TRPC7: variants seen among roughly 807,000 people sequenced by gnomAD.
The protein encoded by TRPC7 is transient receptor potential cation channel subfamily C member 7.
Under a neutral mutation model 90.1 loss-of-function variants are expected in TRPC7, and 42 were observed. That is an observed-to-expected ratio of 0.47 (90% CI 0.36 to 0.60). The LOEUF (loss-of-function observed/expected upper bound fraction) is 0.60, where lower values mean the gene tolerates loss of function less well. TRPC7 is among the 20% of genes least tolerant of loss of function. The pLI, the probability that TRPC7 is intolerant of heterozygous loss-of-function variation, is 0.00. For missense variants in TRPC7, 955 were observed against 1,112.3 expected (o/e 0.86, Z 2.01); for synonymous variants, 451 against 436.3 (o/e 1.03, Z -0.42).
intron 2 of TRPC7, among the ~76,000 whole-genome samples, chr5:136,329,514 G>A (rs1273381476): frequency 6.6e-6 from 1 of 152,082 alleles, no homozygotes. Flanking sequence ...ATTGAGACCT[G>A]AGGATGAACA....
intron 3 of TRPC7, among the ~76,000 whole-genome samples, chr5:136,294,405 A>G (rs1174898306): frequency 6.6e-6 from 1 of 152,230 alleles, no homozygotes; most frequent in Non-Finnish European, 1.5e-5. Context: ...CAAATGGTTA[A>G]TATCCAGAAT....
At chr5:136,308,780 T>G (rs1416979631) in intron 3 of TRPC7, among the ~76,000 whole-genome samples, 1 of 152,202 alleles carries the variant, frequency 6.6e-6, no homozygotes, top group Non-Finnish European at 1.5e-5. Context: ...CAGTGTCCAC[T>G]GTGTCTGTGA....
intron 2 of TRPC7, among the ~76,000 whole-genome samples, chr5:136,341,796 T>C (rs1759855181): frequency 6.6e-6 from 1 of 152,226 alleles, no homozygotes; most frequent in South Asian, 2.1e-4. Flanking sequence ...ACAATGAATT[T>C]TTCAACCAGT....
At position 136,247,394 on chromosome 5, in the gene TRPC7, A is replaced by C; in HGVS notation, c.1844+77T>G. ...GCAAGGAAACAGCAGTCTCTGCAAG[A>C]AGCCACCTTCAGGAGACTCCCAAGG... On this transcript the variant is annotated intron_variant, in intron 7 of 11. Coordinates refer to ENST00000513104, the MANE Select transcript of TRPC7 (RefSeq NM_020389.3). The surrounding 1 kb of genome is among the most constrained non-coding windows in gnomAD (Gnocchi z 4.2). 1 of 1,475,782 alleles carries C rather than the reference A, an allele frequency of 6.8e-7. No homozygotes were observed. Among genetic ancestry groups the C allele is most frequent in the Non-Finnish European group, 9.1e-7 (1 of 1,097,394 alleles). 91.4% of individuals were successfully genotyped at this position (1,475,782 alleles called of 1,614,324 possible).
At chr5:136,335,501 T>G (rs1759625548) in intron 2 of TRPC7, among the ~76,000 whole-genome samples, 1 of 152,108 alleles carries the variant, frequency 6.6e-6, no homozygotes, top group African/African-American at 2.4e-5. Flanking sequence ...GGCATGGTAT[T>G]AATTTAAGTC....
chr5:136,302,980 C>T (rs539300803), intron 3 of TRPC7, among the ~76,000 whole-genome samples: 10 of 151,998 alleles, frequency 6.6e-5, no homozygotes, highest in Non-Finnish European at 1.0e-4. Flanking sequence ...CTAGCCAGGC[C>T]GAGCTAGGTC....
intron 2 of TRPC7, among the ~76,000 whole-genome samples, chr5:136,331,222 C>T (rs1336563099): frequency 2.6e-5 from 4 of 152,188 alleles, no homozygotes; most frequent in African/African-American, 9.6e-5. Context: ...CAGAATTAAG[C>T]ACTCTCTCTA....
At chr5:136,296,700 C>A (rs1285307803) in intron 3 of TRPC7, among the ~76,000 whole-genome samples, 2 of 152,148 alleles carry the variant, frequency 1.3e-5, no homozygotes, top group Non-Finnish European at 2.9e-5. Context: ...AAAATGGAAA[C>A]CTGTAAACAA....
chr5:136,343,295 C>T (rs1011438595), intron 2 of TRPC7, among the ~76,000 whole-genome samples: 1 of 152,024 alleles, frequency 6.6e-6, no homozygotes, highest in Non-Finnish European at 1.5e-5. Context: ...ATGTTGGGGC[C>T]CAAAAATGCT....
chr5:136,337,059 A>G (rs1451437327), intron 2 of TRPC7, among the ~76,000 whole-genome samples: 1 of 152,162 alleles, frequency 6.6e-6, no homozygotes, highest in Non-Finnish European at 1.5e-5. Flanking sequence ...AATGCCTTGA[A>G]GGATCTTCTT....
At chr5:136,268,197 TG>T (rs1757098370) in intron 4 of TRPC7, among the ~76,000 whole-genome samples, 1 of 152,202 alleles carries the variant, frequency 6.6e-6, no homozygotes, top group African/African-American at 2.4e-5. Flanking sequence ...ACCAGGACCT[TG>T]GGATATTTTG....
chr5:136,216,065 G>A, intron 11 of TRPC7, 135 bp downstream of exon 11: 3 of 703,066 alleles, frequency 4.3e-6, no homozygotes, highest in African/African-American at 1.8e-5. Context: ...AACTGAATGA[G>A]CAAGGAGACT....
chr5:136,272,068 G>C (rs1488650234), intron 4 of TRPC7, among the ~76,000 whole-genome samples: 5 of 152,166 alleles, frequency 3.3e-5, no homozygotes, highest in Non-Finnish European at 7.3e-5. Flanking sequence ...ACATTGATGG[G>C]CATTAGTTAG....
At chr5:136,321,650 C>A (rs1424473210) in intron 2 of TRPC7, among the ~76,000 whole-genome samples, 1 of 152,030 alleles carries the variant, frequency 6.6e-6, no homozygotes, top group Admixed American at 6.6e-5. Flanking sequence ...TGATCTCTTG[C>A]CATTTGTGGT....
intron 3 of TRPC7, among the ~76,000 whole-genome samples, chr5:136,311,637 T>C (rs971292704): frequency 2.0e-5 from 3 of 152,236 alleles, no homozygotes; most frequent in Non-Finnish European, 4.4e-5. Context: ...TGTTTGGCTC[T>C]GCAGGGGAAG....
chr5:136,293,352 C>T (rs1758032619), intron 3 of TRPC7, among the ~76,000 whole-genome samples: 1 of 152,182 alleles, frequency 6.6e-6, no homozygotes, highest in Non-Finnish European at 1.5e-5. Flanking sequence ...GTCAAATTGT[C>T]CCTCTTTGCA....
chr5:136,365,455 C>T lies in TRPC7; in HGVS notation c.-201G>A. Reference sequence around the variant, plus strand: ...TCTTTGTGTTGCAGTGGTAAAAACTCGCCTTCCGAGGCAGAACCGTGTTAC... The same window carrying T: ...TCTTTGTGTTGCAGTGGTAAAAACTTGCCTTCCGAGGCAGAACCGTGTTAC... On this transcript the variant is annotated 5_prime_UTR_variant, in exon 1 of 12. Coordinates refer to ENST00000513104, the MANE Select transcript of TRPC7 (RefSeq NM_020389.3). 1 of 599,690 alleles carries T rather than the reference C, an allele frequency of 1.7e-6. No homozygotes were observed. Among genetic ancestry groups the T allele is most frequent in the Non-Finnish European group, 3.0e-6 (1 of 338,738 alleles). 37.1% of individuals were successfully genotyped at this position (599,690 alleles called of 1,614,324 possible). A position where few individuals can be genotyped will look rare whatever the true frequency, so the allele number is the denominator to read the frequency against.
intron 3 of TRPC7, among the ~76,000 whole-genome samples, chr5:136,283,202 TGGTGCTG>T (rs982607271): frequency 6.6e-6 from 1 of 152,234 alleles, no homozygotes; most frequent in African/African-American, 2.4e-5. Context: ...GGGGCCCACA[TGGTGCTG>T]GGTGCTGGGT....
chr5:136,259,903 C>T (rs913202940), intron 5 of TRPC7, among the ~76,000 whole-genome samples: 1 of 152,242 alleles, frequency 6.6e-6, no homozygotes, highest in Non-Finnish European at 1.5e-5. Flanking sequence ...GCCTCTCTGG[C>T]TCTGTCTACT....
Sources: gnomAD v4.1 joint callset for allele counts (sites outside exome capture counted in the v4.1 genomes callset) on GRCh38, gnomAD v4.1.1 for gene constraint, Gnocchi (gnomAD v3.1) non-coding constraint, MANE v1.5 for transcripts, NCBI Gene and HGNC (gene_info 2026-07-23, HGNC 2026-07-21) for gene names.